The following DUSP15 variants were observed in gnomAD, a reference collection of about 807,000 sequenced individuals.
DUSP15 encodes the protein dual specificity phosphatase 15.
Under a neutral mutation model 26.3 loss-of-function variants are expected in DUSP15, and 23 were observed. That is an observed-to-expected ratio of 0.87 (90% CI 0.63 to 1.24). DUSP15 has a LOEUF of 1.24. Ranked by LOEUF, DUSP15 falls within the 50% of genes most tolerant of loss-of-function variation. The probability of loss-of-function intolerance (pLI) is 0.00; values close to 1 mark genes in which losing one functional copy is unlikely to be tolerated. For synonymous variants in DUSP15, 143 were observed against 135.5 expected, an observed-to-expected ratio of 1.06 and a Z score of -0.39; for missense variants, 364 against 320.6, an observed-to-expected ratio of 1.14 and a Z score of -1.03.
At chr20:31,851,564 T>C (rs943015471) in intron 6 of DUSP15, among the ~76,000 whole-genome samples, 1 of 151,664 alleles carries the variant, frequency 6.6e-6, no homozygotes. Context: ...GTGCTGCAGA[T>C]GGAGGGAGGG....
intron 1 of DUSP15, 111 bp from the exon 2 acceptor site, chr20:31,869,708 C>T: frequency 6.5e-7 from 1 of 1,537,684 alleles, no homozygotes; most frequent in South Asian, 1.2e-5. Context: ...GTATGGACCT[C>T]AGGGCTCAGG....
intron 3 of DUSP15, among the ~76,000 whole-genome samples, chr20:31,866,573 G>A (rs1397688063): frequency 2.0e-5 from 3 of 152,120 alleles, no homozygotes; most frequent in East Asian, 1.9e-4. Flanking sequence ...AGCACCAACC[G>A]CCCTAGAGGG....
At chr20:31,864,446 AC>A in intron 4 of DUSP15, 2 of 1,033,584 alleles carry the variant, frequency 1.9e-6, no homozygotes, top group African/African-American at 1.7e-5. Flanking sequence ...GATGCCACAA[AC>A]AAAAATCCCG....
downstream of DUSP15, among the ~76,000 whole-genome samples, chr20:31,860,488 G>C (rs77508617): frequency 6.6e-3 from 1,012 of 152,342 alleles, 52 homozygotes; most frequent in Admixed American, 0.059. Flanking sequence ...CCACTAGCTG[G>C]GGGTGGAGCC....
chr20:31,870,238 G>T lies in DUSP15; in HGVS notation c.21+79C>A. ...CCGGCGAGAACAGAAGGTCAGAGGC[G>T]GGCGGACCGAGCTGGTCAGCGCCGG... On this transcript the variant is annotated intron_variant, in intron 1 of 6. Transcript: ENST00000339738. The surrounding 1 kb of genome is among the most constrained non-coding windows in gnomAD (Gnocchi z 6.6). The T allele has an allele frequency of 8.2e-7, 1 of 1,226,062 alleles. No homozygotes were observed. The highest frequency in any genetic ancestry group is 4.2e-5 in the South Asian group (1 of 24,076). The allele number at this position is 1,226,062 out of a possible 1,614,324, so 75.9% of individuals were successfully genotyped here. A position where few individuals can be genotyped will look rare whatever the true frequency, so the allele number is the denominator to read the frequency against.
At chr20:31,850,508 TG>T in intron 7 of DUSP15, 1 of 1,219,670 alleles carries the variant, frequency 8.2e-7, no homozygotes, top group Non-Finnish European at 1.2e-6. Context: ...ATTGGGAGCC[TG>T]GGCTGGGTGC....
At chr20:31,864,827 G>A in intron 4 of DUSP15, 126 bp downstream of exon 4, 1 of 1,000,560 alleles carries the variant, frequency 1.0e-6, no homozygotes, top group South Asian at 1.5e-5. Context: ...ACCTGGGACT[G>A]GTTGAGTTGA....
Position 31,869,598 on chromosome 20 carries a change from C to T in DUSP15, c.22-1G>A. ...TTCCGAGGTAGAGTCCAGGAAGTAC[C>T]TAGAGGAAGGACAGGCAAGGGTCAG... On this transcript the variant is annotated splice_acceptor_variant, in intron 1 of 6. Transcript: ENST00000339738. LOFTEE classifies it high-confidence loss of function. 6.2e-7 allele frequency: 1 copy of T among 1,613,792 alleles called. No homozygotes were observed.
chr20:31,866,927 A>G, intron 3 of DUSP15, 144 bp downstream of exon 3: 1 of 762,742 alleles, frequency 1.3e-6, no homozygotes, highest in South Asian at 1.9e-5. Context: ...TAGGGATGAT[A>G]ATGTAAAATG....
At position 31,864,976 on chromosome 20, in the gene DUSP15, G is replaced by C. The variant is rs550883318; in HGVS notation, c.165C>G (p.Val55=). The C allele has an allele frequency of 2.5e-6, 4 of 1,613,960 alleles. No individual in the cohort carries two copies. Among genetic ancestry groups the C allele is most frequent in the Admixed American group, 1.7e-5 (1 of 60,006 alleles). Residue 55 remains valine (V), a synonymous_variant, in exon 4 of 7, where the codon GTC becomes GTG. Transcript: ENST00000339738. ...LQDITYLRIP[V]ADTPEVPIKK... is the part of the protein sequence containing the mutation. The stretch of plus-strand genomic sequence containing the variant: ...ACATGGGTACCTCAGGGGTATCAGC[G>C]ACCGGGATGCGAAGGTAGGTGATAT...
exon 9 of DUSP15, chr20:31,848,844 G>C (rs780747041): frequency 1.2e-6 from 2 of 1,612,278 alleles, no homozygotes; most frequent in Non-Finnish European, 1.7e-6. Flanking sequence ...TGCTGTGTGG[G>C]GCCCGGGTCC....
In DUSP15 at chr20:31,863,913, A is replaced by G. The variant is rs200696473; in HGVS notation, c.257T>C (p.Val86Ala). ...CCRLNGGNCL[V>A]HCFAGISRST... ...CCCCCTCCGCTTAACTCACCAGTGC[A>G]CAAGGCAGTTCCCCCCATTAAGGCG... The change falls in exon 5 of 7, where the codon GTG becomes GCG. Residue 86 changes from valine (V) to alanine (A), a missense_variant. By Grantham distance (64) the Val-to-Ala change is moderately conservative. Coordinates refer to ENST00000339738, the MANE Select transcript of DUSP15 (RefSeq NM_080611.5). The G allele has an allele frequency of 3.1e-6, 5 of 1,610,496 alleles. No individual in the cohort carries two copies. In the African/African-American group the frequency reaches 4.0e-5, roughly 13 times the overall value.
intron 5 of DUSP15, 38 bp downstream of exon 5, chr20:31,863,865 ACTTC>A (rs2062711458): frequency 6.3e-7 from 1 of 1,583,586 alleles, no homozygotes; most frequent in African/African-American, 1.3e-5. Flanking sequence ...GGGCACAGCC[ACTTC>A]CTTCCTCCCC....
At chr20:31,846,529 G>C (rs1185546307), downstream of DUSP15, among the ~76,000 whole-genome samples, 1 of 151,310 alleles carries the variant, frequency 6.6e-6, no homozygotes, top group Non-Finnish European at 1.5e-5. Flanking sequence ...GAAGCCCCAG[G>C]GGCTTCTCTA....
At chr20:31,860,407 T>G (rs1278842367), downstream of DUSP15, among the ~76,000 whole-genome samples, 1 of 152,262 alleles carries the variant, frequency 6.6e-6, no homozygotes, top group African/African-American at 2.4e-5. Flanking sequence ...TGACTTCTAC[T>G]CATCCTCAGA....
At position 31,861,418 on chromosome 20, in the gene DUSP15, G is replaced by A. The variant is rs762838662; in HGVS notation, c.693C>T (p.Arg231=). Residue 231 remains arginine, a synonymous_variant, in exon 7 of 7, where the codon CGC becomes CGT. Coordinates refer to ENST00000339738, the MANE Select transcript of DUSP15 (RefSeq NM_080611.5). ...GACTGCATCCTCACTTGCCGCCCTTGCGGGACAGACACCGGGGGAGGCAAG... is the reference window on the plus strand; with the variant it reads ...GACTGCATCCTCACTTGCCGCCCTTACGGGACAGACACCGGGGGAGGCAAG... The part of the protein sequence containing the change: ...TFSCLPRCLS[R]KGGK 3.2e-6 allele frequency: 5 copies of A among 1,560,114 alleles called. No individual in the cohort carries two copies. The South Asian group carries it at 5.9e-5, about 18-fold the overall frequency.
Position 31,848,694 on chromosome 20 carries a change from G to A in DUSP15, c.726+112C>T, listed in dbSNP as rs140323567. 3.3e-4 allele frequency: 478 copies of A among 1,462,124 alleles called. 5 individuals carry two copies. In the East Asian group the frequency reaches 0.011, roughly 34 times the overall value. 90.6% of individuals were successfully genotyped at this position (1,462,124 alleles called of 1,614,324 possible). A position where few individuals can be genotyped will look rare whatever the true frequency, so the allele number is the denominator to read the frequency against. On this transcript the variant is annotated intron_variant, in intron 9 of 9. Transcript: ENST00000278979. ...TTTCCAGGTAGGGTCCTACAGACCCGAGGGTGCTAGAAGTGTCAGAGGCAG... is the reference window on the plus strand; with the variant it reads ...TTTCCAGGTAGGGTCCTACAGACCCAAGGGTGCTAGAAGTGTCAGAGGCAG...
chr20:31,850,457 A>G (rs1210019262), intron 7 of DUSP15, among the ~76,000 whole-genome samples: 2 of 152,240 alleles, frequency 1.3e-5, no homozygotes, highest in African/African-American at 4.8e-5. Flanking sequence ...GGTGCCTGGC[A>G]TAAACTAAGC....
rs1312666955 is a variant in DUSP15 at position 31,870,107 on chromosome 20, G to C, written c.21+210C>G. 1.6e-6 allele frequency: 2 copies of C among 1,246,534 alleles called. No individual in the cohort carries two copies. The allele number at this position is 1,246,534 out of a possible 1,614,324, so 77.2% of individuals were successfully genotyped here. A position where few individuals can be genotyped will look rare whatever the true frequency, so the allele number is the denominator to read the frequency against. On this transcript the variant is annotated intron_variant, in intron 1 of 6. Transcript: ENST00000339738. This position sits in a 1 kb window ranked among gnomAD's most constrained non-coding sequence, Gnocchi z 6.6. ...ACAGCGAGAGACACACAGAGTCACG[G>C]AGAGAGGGCGGACACAGCGGGGACA...
Sources: gnomAD v4.1 joint callset for allele counts (sites outside exome capture counted in the v4.1 genomes callset) on GRCh38, gnomAD v4.1.1 for gene constraint, Gnocchi (gnomAD v3.1) non-coding constraint, MANE v1.5 for transcripts, NCBI Gene and HGNC (gene_info 2026-07-23, HGNC 2026-07-21) for gene names.